Variants in SLC25A28 observed in about 807,000 individuals in gnomAD.
SLC25A28 encodes the protein mitoferrin-2.
A neutral mutation model predicts 31.9 loss-of-function variants in SLC25A28; 10 were observed. The observed-to-expected ratio is 0.31, with a 90% CI of 0.19 to 0.53. SLC25A28 has a LOEUF of 0.53. SLC25A28 is among the 20% of genes least tolerant of loss of function. The pLI is 0.95. For synonymous variants in SLC25A28, 208 were observed against 203.6 expected (o/e 1.02, Z -0.19); for missense variants, 256 against 490.3 (o/e 0.52, Z 4.51).
chr10:99,635,323 A>C, the SLC25A28 span, among the ~76,000 whole-genome samples: 1 of 152,224 alleles, frequency 6.6e-6, no homozygotes, highest in Non-Finnish European at 1.5e-5. Flanking sequence ...ACATCTCAAT[A>C]CTAACATTGA....
the SLC25A28 span, among the ~76,000 whole-genome samples, chr10:99,631,957 C>T: frequency 8.5e-6 from 1 of 117,380 alleles, no homozygotes; most frequent in East Asian, 2.7e-4. Flanking sequence ...ACTGCAGTGG[C>T]GCAATCTCGG....
the SLC25A28 span, among the ~76,000 whole-genome samples, chr10:99,625,665 G>T: frequency 3.9e-5 from 6 of 152,266 alleles, no homozygotes; most frequent in Non-Finnish European, 7.4e-5. Context: ...TTTTTCCCCA[G>T]CTTCCCTGGC....
chr10:99,615,125 C>T (rs936212644), intron 1 of SLC25A28, among the ~76,000 whole-genome samples: 3 of 152,014 alleles, frequency 2.0e-5, no homozygotes, highest in East Asian at 1.9e-4. Flanking sequence ...GAGGCCAAGG[C>T]GAGCAGATCA....
chr10:99,622,735 T>C, upstream of SLC25A28: 1 of 983,330 alleles, frequency 1.0e-6, no homozygotes, highest in Non-Finnish European at 1.2e-6. Context: ...AAACGTTTAA[T>C]GCTTCTTGGT....
the SLC25A28 span, among the ~76,000 whole-genome samples, chr10:99,650,688 G>A: frequency 1.4e-4 from 22 of 152,168 alleles, no homozygotes; most frequent in African/African-American, 5.1e-4. Context: ...TCTTAGATAC[G>A]TATAGGAAAG....
At chr10:99,617,718 C>T in intron 1 of SLC25A28, 1 of 985,444 alleles carries the variant, frequency 1.0e-6, no homozygotes, top group Non-Finnish European at 1.2e-6. Flanking sequence ...AATGAGCCTT[C>T]TAAAATAAGC....
At chr10:99,654,986 A>G in the SLC25A28 span, among the ~76,000 whole-genome samples, 1 of 152,302 alleles carries the variant, frequency 6.6e-6, no homozygotes, top group African/African-American at 2.4e-5. Flanking sequence ...CTGACTGGAA[A>G]CCTTAGAACT....
At chr10:99,617,000 AGGTGAATATGT>A in intron 1 of SLC25A28, 1 of 985,200 alleles carries the variant, frequency 1.0e-6, no homozygotes, top group Non-Finnish European at 1.2e-6. Context: ...AATCTTTCAC[AGGTGAATATGT>A]ATAGATACCA....
At chr10:99,612,670 AAG>A in intron 2 of SLC25A28, 71 bp from the exon 3 acceptor site, 2 of 1,555,302 alleles carry the variant, frequency 1.3e-6, no homozygotes, top group Non-Finnish European at 1.8e-6. Context: ...TCCCCCAGTG[AAG>A]GGGAGTGGCT....
chr10:99,612,586 A>G lies in SLC25A28; in HGVS notation c.534T>C (p.Cys178=). 1 of 1,614,208 alleles carries G rather than the reference A, an allele frequency of 6.2e-7. No individual in the cohort carries two copies. Among genetic ancestry groups the G allele is most frequent in the Non-Finnish European group, 8.5e-7 (1 of 1,180,036 alleles). ...CTGCATCATGAAGTAATGTTGCCAC[A>G]CACCCGGCCGCACCTGCAAACAAGA... The part of the protein sequence containing the change: ...NSHIANGAAG[C]VATLLHDAAM... Residue 178 remains cysteine (C), a synonymous_variant, in exon 3 of 4, where the codon TGT becomes TGC. Transcript: ENST00000370495.
chr10:99,617,762 T>C (rs1034495639), intron 1 of SLC25A28: 1 of 985,366 alleles, frequency 1.0e-6, no homozygotes, highest in Non-Finnish European at 1.2e-6. Context: ...AGCATTTTTT[T>C]CTCAAATCAT....
At chr10:99,644,013 G>T in the SLC25A28 span, among the ~76,000 whole-genome samples, 1 of 152,196 alleles carries the variant, frequency 6.6e-6, no homozygotes, top group African/African-American at 2.4e-5. Flanking sequence ...GAATAAGTGC[G>T]ATGTGGTGCT....
the SLC25A28 span, among the ~76,000 whole-genome samples, chr10:99,657,032 A>T: frequency 6.6e-6 from 1 of 152,236 alleles, no homozygotes; most frequent in Admixed American, 6.5e-5. Flanking sequence ...TTTACAAAGA[A>T]AATATAATGA....
At chr10:99,619,534 G>A (rs1446642574) in intron 1 of SLC25A28, among the ~76,000 whole-genome samples, 1 of 152,184 alleles carries the variant, frequency 6.6e-6, no homozygotes, top group African/African-American at 2.4e-5. Flanking sequence ...TCACTCATGT[G>A]TTAAGATTTA....
chr10:99,642,508 C>T, the SLC25A28 span, among the ~76,000 whole-genome samples: 57 of 152,154 alleles, frequency 3.7e-4, no homozygotes, highest in African/African-American at 1.0e-3. Flanking sequence ...TCATGTCATC[C>T]GCAAACAGGG....
the SLC25A28 span, among the ~76,000 whole-genome samples, chr10:99,626,445 T>C: frequency 6.6e-6 from 1 of 152,250 alleles, no homozygotes; most frequent in Admixed American, 6.5e-5. Context: ...TCATCTGGAT[T>C]AATTCTTTCC....
the SLC25A28 span, among the ~76,000 whole-genome samples, chr10:99,629,311 T>C: frequency 6.6e-6 from 1 of 152,190 alleles, no homozygotes; most frequent in Non-Finnish European, 1.5e-5. Context: ...CCTCAGAAGC[T>C]GGGGAGATGC....
chr10:99,644,138 G>A, the SLC25A28 span, among the ~76,000 whole-genome samples: 1,067 of 152,156 alleles, frequency 7.0e-3, 12 homozygotes, highest in African/African-American at 0.023. Context: ...TTTCTGTCTC[G>A]TTGATCTGTC....
the SLC25A28 span, among the ~76,000 whole-genome samples, chr10:99,645,621 G>T: frequency 1.3e-5 from 2 of 152,194 alleles, no homozygotes; most frequent in Non-Finnish European, 2.9e-5. Flanking sequence ...CTTTCCTTTG[G>T]AGGAGAAGAG....
Sources: allele counts gnomAD v4.1 joint callset (sites outside exome capture counted in the v4.1 genomes callset), GRCh38; gene constraint gnomAD v4.1.1; transcripts MANE v1.5; gene names NCBI Gene and HGNC (gene_info 2026-07-23, HGNC 2026-07-21).